The following TMEM102 variants were observed in gnomAD, a reference collection of about 807,000 sequenced individuals.
The protein encoded by TMEM102 is DANGER family member 2B.
Under a neutral mutation model 26.8 loss-of-function variants are expected in TMEM102, and 28 were observed. That is an observed-to-expected ratio of 1.05 (90% CI 0.77 to 1.43). The LOEUF (loss-of-function observed/expected upper bound fraction) is 1.43, where lower values mean the gene tolerates loss of function less well. Among genes scored for constraint, TMEM102 ranks in the 40% most tolerant of loss-of-function variants. The pLI, the probability that TMEM102 is intolerant of heterozygous loss-of-function variation, is 0.00. For missense variants in TMEM102, 677 were observed against 705.6 expected (o/e 0.96, Z 0.46); for synonymous variants, 306 against 332.1 (o/e 0.92, Z 0.86).
chr17:7,437,086 C>A lies in TMEM102; in HGVS notation c.1107C>A (p.Arg369=). 6.6e-7 allele frequency: 1 copy of A among 1,516,212 alleles called. No homozygotes were observed. The highest frequency in any genetic ancestry group is 8.8e-7 in the Non-Finnish European group (1 of 1,141,520). The allele number at this position is 1,516,212 out of a possible 1,614,324, so 93.9% of individuals were successfully genotyped here. ...CASAWQLCFA[R]QELALKARIP... is the part of the protein sequence containing the mutation. Reference sequence around the variant, plus strand: ...CCGCCTGGCAGCTCTGTTTTGCCCGCCAGGAGCTGGCGCTCAAAGCGCGCA... The same window carrying A: ...CCGCCTGGCAGCTCTGTTTTGCCCGACAGGAGCTGGCGCTCAAAGCGCGCA... The change falls in exon 3 of 3, where the codon CGC becomes CGA. Residue 369 remains arginine (R), a synonymous_variant. Transcript: ENST00000323206. This position sits in a 1 kb window ranked among gnomAD's most constrained non-coding sequence, Gnocchi z 4.2.
At position 7,435,896 on chromosome 17, in the gene TMEM102, G is replaced by T; in HGVS notation, c.25G>T (p.Ala9Ser). Residue 9 changes from alanine (A) to serine (S), a missense_variant, in exon 2 of 3, where the codon GCC becomes TCC. By Grantham distance (99) the Ala-to-Ser change is moderately conservative. Coordinates refer to ENST00000323206, the MANE Select transcript of TMEM102 (RefSeq NM_178518.3). MASAVWGS[A>S]PWWGPPPPAP... ...CATGGCTTCCGCAGTCTGGGGGAGT[G>T]CCCCCTGGTGGGGCCCGCCGCCCCC... 2 of 1,608,674 alleles carry T rather than the reference G, an allele frequency of 1.2e-6. No individual in the cohort carries two copies. Among genetic ancestry groups the T allele is most frequent in the Non-Finnish European group, 1.7e-6 (2 of 1,178,012 alleles).
At position 7,436,466 on chromosome 17, in the gene TMEM102, T is replaced by G; in HGVS notation, c.487T>G (p.Leu163Val). The G allele has an allele frequency of 1.2e-6, 2 of 1,613,702 alleles. No individual in the cohort carries two copies. Among genetic ancestry groups the G allele is most frequent in the Non-Finnish European group, 1.7e-6 (2 of 1,180,032 alleles). ...CATCCGGGAGATGTGGCAGGATTGC[T>G]TAGGACCCCCAGTCCCAGGAGCACG... ...TPIREMWQDCLGPPVPGARDS... is the reference protein window; with the variant it reads ...TPIREMWQDCVGPPVPGARDS... The change falls in exon 3 of 3, where the codon TTA (leucine) becomes GTA (valine). Residue 163 changes from leucine (L) to valine (V), a missense_variant. By Grantham distance (32) the Leu-to-Val change is conservative (BLOSUM62 1). Transcript: ENST00000323206.
At position 7,435,561 on chromosome 17, in the gene TMEM102, A is replaced by C; in HGVS notation, c.-155A>C. 2 of 330,120 alleles carry C rather than the reference A, an allele frequency of 6.1e-6. No individual in the cohort carries two copies. Among genetic ancestry groups the C allele is most frequent in the Non-Finnish European group, 5.6e-6 (1 of 178,548 alleles). The allele number at this position is 330,120 out of a possible 1,614,324, so 20.4% of individuals were successfully genotyped here. ...TTCCAAAAAAGAGGTAAAGGGAGGTAGACAAGGGGCGGCAGCGGAGGCTGG... is the reference window on the plus strand; with the variant it reads ...TTCCAAAAAAGAGGTAAAGGGAGGTCGACAAGGGGCGGCAGCGGAGGCTGG... On this transcript the variant is annotated 5_prime_UTR_variant, in exon 1 of 3. Transcript: ENST00000323206.
chr17:7,437,245 C>A lies in TMEM102; in HGVS notation c.1266C>A (p.Leu422=). Residue 422 remains leucine, a synonymous_variant, in exon 3 of 3, where the codon CTC becomes CTA. Coordinates refer to ENST00000323206, the MANE Select transcript of TMEM102 (RefSeq NM_178518.3). This position sits in a 1 kb window ranked among gnomAD's most constrained non-coding sequence, Gnocchi z 4.2. ...LYWACERLPA[L]YLARPENAGA... Reference sequence around the variant, plus strand: ...GGGCGTGCGAGCGGCTGCCTGCGCTCTACCTGGCGCGGCCAGAAAATGCGG... The same window carrying A: ...GGGCGTGCGAGCGGCTGCCTGCGCTATACCTGGCGCGGCCAGAAAATGCGG... 1 of 1,524,186 alleles carries A rather than the reference C, an allele frequency of 6.6e-7. No homozygotes were observed. The highest frequency in any genetic ancestry group is 8.8e-7 in the Non-Finnish European group (1 of 1,138,628). 94.4% of individuals were successfully genotyped at this position (1,524,186 alleles called of 1,614,324 possible). A position where few individuals can be genotyped will look rare whatever the true frequency, so the allele number is the denominator to read the frequency against.
chr17:7,437,030 C>T lies in TMEM102; in HGVS notation c.1051C>T (p.Pro351Ser), dbSNP rs748953825. 1.3e-5 allele frequency: 20 copies of T among 1,588,924 alleles called. No individual in the cohort carries two copies. The highest frequency in any genetic ancestry group is 1.6e-5 in the Non-Finnish European group (19 of 1,174,682). Residue 351 changes from proline (P) to serine (S), a missense_variant, in exon 3 of 3, where the codon CCC (proline) becomes TCC (serine). Transcript: ENST00000323206. The surrounding 1 kb of genome is among the most constrained non-coding windows in gnomAD (Gnocchi z 4.2). ...ASESASFYLV[P>S]GGGTERPCAS... ...TGAGTCGGCTTCCTTCTACCTGGTG[C>T]CCGGTGGCGGCACCGAGCGGCCGTG...
chr17:7,436,560 A>G lies in TMEM102; in HGVS notation c.581A>G (p.His194Arg). 6.2e-7 allele frequency: 1 copy of G among 1,614,046 alleles called. No individual in the cohort carries two copies. Among genetic ancestry groups the G allele is most frequent in the Non-Finnish European group, 8.5e-7 (1 of 1,180,008 alleles). ...KDWQSSVDQP[H>R]SYVTEHEAPV... ...TGGCAAAGCTCTGTAGACCAGCCGC[A>G]CAGCTACGTCACTGAGCACGAGGCG... is the stretch of plus-strand genomic sequence containing the variant. The change falls in exon 3 of 3, where the codon CAC becomes CGC. Residue 194 changes from histidine (H) to arginine (R), a missense_variant. Transcript: ENST00000323206.
rs756654675 is a variant in TMEM102, at chr17:7,436,055, C to T, written c.184C>T (p.Arg62Trp). The change falls in exon 2 of 3, where the codon CGG becomes TGG. Residue 62 changes from arginine to tryptophan, a missense_variant. Physicochemically the swap from Arg to Trp is moderately radical, Grantham distance 101. Coordinates refer to ENST00000323206, the MANE Select transcript of TMEM102 (RefSeq NM_178518.3). Reference protein sequence around the residue: ...DGPKPGADLLRAKDFVFSLLG... With the variant: ...DGPKPGADLLWAKDFVFSLLG... ...GCCCAAGCCGGGAGCCGATCTCCTC[C>T]GGGCCAAGGACTTTGTCTTCTCTTT... 1.4e-5 allele frequency: 22 copies of T among 1,613,800 alleles called. No homozygotes were observed. The Admixed American group carries it at 2.2e-4, about 16-fold the overall frequency.
chr17:7,436,178 C>G lies in TMEM102; in HGVS notation c.215-16C>G. The G allele has an allele frequency of 2.5e-6, 4 of 1,579,734 alleles. No homozygotes were observed. Among genetic ancestry groups the G allele is most frequent in the Non-Finnish European group, 3.5e-6 (4 of 1,152,006 alleles). On this transcript the variant is annotated splice_polypyrimidine_tract_variant and intron_variant, in intron 2 of 2. Transcript: ENST00000323206. ...GGCTTTGGGCGACGCCCTCACGATC[C>G]GTTCCCTTTTTTTAGGTCTAGTTCA...
chr17:7,436,397 T>C lies in TMEM102; in HGVS notation c.418T>C (p.Cys140Arg). The change falls in exon 3 of 3, where the codon TGT becomes CGT. Residue 140 changes from cysteine (C) to arginine (R), a missense_variant. Coordinates refer to ENST00000323206, the MANE Select transcript of TMEM102 (RefSeq NM_178518.3). ...GTELQLDLES[C>R]YAQVCLPEMV... is the part of the protein sequence containing the mutation. ...TGAACTGCAACTGGACCTGGAATCC[T>C]GTTACGCACAGGTCTGCCTCCCAGA... 6.2e-7 allele frequency: 1 copy of C among 1,613,906 alleles called. No homozygotes were observed. Among genetic ancestry groups the C allele is most frequent in the Non-Finnish European group, 8.5e-7 (1 of 1,180,042 alleles).
In TMEM102 at chr17:7,437,127, T is replaced by A. The variant is rs1468663115; in HGVS notation, c.1148T>A (p.Leu383Gln). ...AAAGCGCGCATACCAGCGCCGCTGC[T>A]GCAGGCGCACGCGGCGGCCCAGGCG... ...ALKARIPAPL[L>Q]QAHAAAQALL... Residue 383 changes from leucine (L) to glutamine (Q), a missense_variant, in exon 3 of 3, where the codon CTG becomes CAG. By Grantham distance (113) the Leu-to-Gln change is moderately radical. Coordinates refer to ENST00000323206, the MANE Select transcript of TMEM102 (RefSeq NM_178518.3). This position sits in a 1 kb window ranked among gnomAD's most constrained non-coding sequence, Gnocchi z 4.2. 5 of 1,461,406 alleles carry A rather than the reference T, an allele frequency of 3.4e-6. No homozygotes were observed. The highest frequency in any genetic ancestry group is 1.8e-6 in the Non-Finnish European group (2 of 1,121,338). 90.5% of individuals were successfully genotyped at this position (1,461,406 alleles called of 1,614,324 possible).
chr17:7,436,555 G>C lies in TMEM102; in HGVS notation c.576G>C (p.Gln192His). 6.2e-7 allele frequency: 1 copy of C among 1,614,066 alleles called. No homozygotes were observed. Among genetic ancestry groups the C allele is most frequent in the Non-Finnish European group, 8.5e-7 (1 of 1,180,022 alleles). ...SSKDWQSSVDQPHSYVTEHEA... is the reference protein window; with the variant it reads ...SSKDWQSSVDHPHSYVTEHEA... ...AGGACTGGCAAAGCTCTGTAGACCA[G>C]CCGCACAGCTACGTCACTGAGCACG... Residue 192 changes from glutamine (Q) to histidine (H), a missense_variant, in exon 3 of 3, where the codon CAG becomes CAC. Transcript: ENST00000323206.
Position 7,436,941 on chromosome 17 carries a change from T to G in TMEM102, c.962T>G (p.Val321Gly), listed in dbSNP as rs567937828. The change falls in exon 3 of 3, where the codon GTG becomes GGG. Residue 321 changes from valine to glycine, a missense_variant. By Grantham distance (109) the Val-to-Gly change is moderately radical. Coordinates refer to ENST00000323206, the MANE Select transcript of TMEM102 (RefSeq NM_178518.3). ...RRLLLFDLIP[V>G]VSVAGWPEGA... is the part of the protein sequence containing the mutation. Reference sequence around the variant, plus strand: ...CTCCTGCTCTTCGACCTGATCCCAGTGGTGTCCGTGGCGGGCTGGCCCGAG... The same window carrying G: ...CTCCTGCTCTTCGACCTGATCCCAGGGGTGTCCGTGGCGGGCTGGCCCGAG... The G allele has an allele frequency of 1.7e-4, 269 of 1,605,192 alleles. No homozygotes were observed. The East Asian group carries it at 5.4e-3, about 32-fold the overall frequency.
intron 1 of TMEM102, 56 bp downstream of exon 1, chr17:7,435,752 T>G: frequency 9.7e-6 from 8 of 822,116 alleles, no homozygotes; most frequent in Non-Finnish European, 1.4e-5. Context: ...TACAGACCCA[T>G]TTGTAGGTTG....
rs113670966 is a variant in TMEM102 at position 7,435,661 on chromosome 17, G to A, written c.-55G>A. 5 of 502,122 alleles carry A rather than the reference G, an allele frequency of 1.0e-5. No homozygotes were observed. Among genetic ancestry groups the A allele is most frequent in the African/African-American group, 5.7e-5 (3 of 52,258 alleles). The allele number at this position is 502,122 out of a possible 1,614,324, so 31.1% of individuals were successfully genotyped here. On this transcript the variant is annotated 5_prime_UTR_variant, in exon 1 of 3. Coordinates refer to ENST00000323206, the MANE Select transcript of TMEM102 (RefSeq NM_178518.3). ...CCGGTGAACCAGTTCATGGGGGCGG[G>A]GACCTGCCTATGAGAAAAGGGCCAG...
Position 7,435,578 on chromosome 17 carries a change from G to C in TMEM102, c.-138G>C. On this transcript the variant is annotated 5_prime_UTR_variant, in exon 1 of 3. Transcript: ENST00000323206. The stretch of plus-strand genomic sequence containing the variant: ...AGGGAGGTAGACAAGGGGCGGCAGC[G>C]GAGGCTGGCTACTGCATTCCGTAGG... 2.7e-6 allele frequency: 1 copy of C among 369,790 alleles called. No homozygotes were observed. The highest frequency in any genetic ancestry group is 7.8e-5 in the South Asian group (1 of 12,784). The allele number at this position is 369,790 out of a possible 1,614,324, so 22.9% of individuals were successfully genotyped here.
Position 7,436,965 on chromosome 17 carries a change from AG to A in TMEM102, c.991del (p.Ala331LeufsTer108), listed in dbSNP as rs1908055749. 1 of 1,598,184 alleles carries A rather than the reference AG, an allele frequency of 6.3e-7. No homozygotes were observed. The highest frequency in any genetic ancestry group is 8.5e-7 in the Non-Finnish European group (1 of 1,177,784). On this transcript the variant is annotated frameshift_variant, in exon 3 of 3. Coordinates refer to ENST00000323206, the MANE Select transcript of TMEM102 (RefSeq NM_178518.3). LOFTEE classifies it high-confidence loss of function. ...GTGGTGTCCGTGGCGGGCTGGCCCGAGGGGGCTCGGAGCCACTCGTGGGCCG... is the reference window on the plus strand; with the variant it reads ...GTGGTGTCCGTGGCGGGCTGGCCCGAGGGGCTCGGAGCCACTCGTGGGCCG... ...IPVVSVAGWP[E>X]GARSHSWAGP...
rs1222692722 is a variant in TMEM102 at position 7,436,557 on chromosome 17, C to A, written c.578C>A (p.Pro193Gln). 6.2e-7 allele frequency: 1 copy of A among 1,614,030 alleles called. No individual in the cohort carries two copies. The highest frequency in any genetic ancestry group is 1.1e-5 in the South Asian group (1 of 91,084). ...GACTGGCAAAGCTCTGTAGACCAGC[C>A]GCACAGCTACGTCACTGAGCACGAG... The part of the protein sequence containing the change: ...SKDWQSSVDQ[P>Q]HSYVTEHEAP... Residue 193 changes from proline (P) to glutamine (Q), a missense_variant, in exon 3 of 3, where the codon CCG (proline) becomes CAG (glutamine). By Grantham distance (76) the Pro-to-Gln change is moderately conservative (BLOSUM62 -1). Coordinates refer to ENST00000323206, the MANE Select transcript of TMEM102 (RefSeq NM_178518.3).
At position 7,436,713 on chromosome 17, in the gene TMEM102, A is replaced by G; in HGVS notation, c.734A>G (p.Glu245Gly). 1 of 1,613,834 alleles carries G rather than the reference A, an allele frequency of 6.2e-7. No individual in the cohort carries two copies. The highest frequency in any genetic ancestry group is 2.2e-5 in the East Asian group (1 of 44,886). The stretch of plus-strand genomic sequence containing the variant: ...AGTGACGTCACCAAGGCAGCCGTCG[A>G]AAGCCCAGTCCCAAAGCCGTCGGAG... ...MSSDVTKAAV[E>G]SPVPKPSEAR... The change falls in exon 3 of 3, where the codon GAA becomes GGA. Residue 245 changes from glutamate to glycine, a missense_variant. Transcript: ENST00000323206.
rs566914779 is a variant in TMEM102 at position 7,437,182 on chromosome 17, G to A, written c.1203G>A (p.Arg401=). 6.0e-6 allele frequency: 9 copies of A among 1,493,336 alleles called. No individual in the cohort carries two copies. Among genetic ancestry groups the A allele is most frequent in the African/African-American group, 2.9e-5 (2 of 68,120 alleles). The allele number at this position is 1,493,336 out of a possible 1,614,324, so 92.5% of individuals were successfully genotyped here. Residue 401 remains arginine (R), a synonymous_variant, in exon 3 of 3, where the codon CGG becomes CGA. Transcript: ENST00000323206. The surrounding 1 kb of genome is among the most constrained non-coding windows in gnomAD (Gnocchi z 4.2). ...ALLRPLVAGT[R]AAAPYLLRTL... is the part of the protein sequence containing the mutation. ...TGCGCCCGCTGGTGGCCGGGACCCG[G>A]GCGGCGGCGCCCTACCTCCTGCGGA...
Sources: gnomAD v4.1 joint callset for allele counts on GRCh38, gnomAD v4.1.1 for gene constraint, Gnocchi (gnomAD v3.1) non-coding constraint, MANE v1.5 for transcripts, NCBI Gene and HGNC (gene_info 2026-07-23, HGNC 2026-07-21) for gene names.